The following TRPM3 variants were observed in gnomAD, a reference collection of about 807,000 sequenced individuals.
TRPM3 encodes long transient receptor potential channel 3.
Under a neutral mutation model 181.2 loss-of-function variants are expected in TRPM3, and 77 were observed. That is an observed-to-expected ratio of 0.42 (90% CI 0.35 to 0.51). The LOEUF is 0.51. Ranked by LOEUF, TRPM3 falls within the 20% of genes least tolerant of loss-of-function variation. The probability of loss-of-function intolerance (pLI) is 0.01; values close to 1 mark genes in which losing one functional copy is unlikely to be tolerated. For synonymous variants in TRPM3, 745 were observed against 796.4 expected, an observed-to-expected ratio of 0.94 and a Z score of 1.09; for missense variants, 1,759 against 2,196.7, an observed-to-expected ratio of 0.80 and a Z score of 3.98.
chr9:71,344,895 C>A (rs1565483147), intron 1 of TRPM3, among the ~76,000 whole-genome samples: 12 of 152,036 alleles, frequency 7.9e-5, no homozygotes. Flanking sequence ...AACAAACACT[C>A]AAATTAAAAA....
intron 1 of TRPM3, among the ~76,000 whole-genome samples, chr9:71,037,442 C>T (rs558555100): frequency 2.0e-5 from 3 of 152,314 alleles, no homozygotes; most frequent in East Asian, 3.9e-4. Context: ...GTTACAAGTG[C>T]TCCATGAACA....
chr9:70,886,066 C>T (rs543003874), intron 1 of TRPM3, among the ~76,000 whole-genome samples: 2 of 152,158 alleles, frequency 1.3e-5, no homozygotes, highest in East Asian at 3.9e-4. Context: ...CACTTACAGC[C>T]AGGATGTTAA....
intron 1 of TRPM3, among the ~76,000 whole-genome samples, chr9:71,261,216 A>C (rs986476267): frequency 2.0e-5 from 3 of 152,026 alleles, no homozygotes; most frequent in African/African-American, 7.2e-5. Flanking sequence ...TCATTCTTTT[A>C]TCTCTAATCT....
chr9:71,314,216 AAAG>A (rs2088306815), intron 1 of TRPM3, among the ~76,000 whole-genome samples: 1 of 152,270 alleles, frequency 6.6e-6, no homozygotes, highest in East Asian at 1.9e-4. Context: ...TACTGGCCTT[AAAG>A]AGAACTCACT....
chr9:71,439,221 A>G (rs1380648032), intron 1 of TRPM3, among the ~76,000 whole-genome samples: 1 of 152,226 alleles, frequency 6.6e-6, no homozygotes, highest in East Asian at 1.9e-4. Context: ...CAGTCATTAC[A>G]TCATGGATAT....
chr9:71,228,426 GT>G (rs2080833808), intron 1 of TRPM3, among the ~76,000 whole-genome samples: 1 of 152,116 alleles, frequency 6.6e-6, no homozygotes, highest in African/African-American at 2.4e-5. Flanking sequence ...TGACAAAGAT[GT>G]CCACTTTCAC....
At chr9:70,679,739 T>C (rs777051031) in intron 9 of TRPM3, among the ~76,000 whole-genome samples, 17 of 152,240 alleles carry the variant, frequency 1.1e-4, no homozygotes, top group Non-Finnish European at 1.6e-4. Flanking sequence ...AACAAATGTA[T>C]ACATGGAATG....
At chr9:70,741,162 C>A (rs1432327544) in intron 8 of TRPM3, among the ~76,000 whole-genome samples, 1 of 152,074 alleles carries the variant, frequency 6.6e-6, no homozygotes, top group East Asian at 1.9e-4. Context: ...CATGAATATA[C>A]AATTCTCGAA....
intron 1 of TRPM3, among the ~76,000 whole-genome samples, chr9:70,874,880 C>T (rs1301793628): frequency 6.6e-6 from 1 of 151,906 alleles, no homozygotes; most frequent in African/African-American, 2.4e-5. Flanking sequence ...TTCTCTCTCT[C>T]TGTCTATATG....
chr9:71,021,033 T>A (rs922154330), intron 1 of TRPM3, among the ~76,000 whole-genome samples: 3 of 152,312 alleles, frequency 2.0e-5, no homozygotes, highest in Middle Eastern at 3.4e-3. Flanking sequence ...TACAAGAGGC[T>A]ACTTTGCAAC....
chr9:71,022,731 TAATAA>T (rs943963040), intron 1 of TRPM3, among the ~76,000 whole-genome samples: 8 of 151,864 alleles, frequency 5.3e-5, no homozygotes, highest in African/African-American at 1.2e-4. Flanking sequence ...TGGTACAGCA[TAATAA>T]AATAAAATAA....
intron 1 of TRPM3, among the ~76,000 whole-genome samples, chr9:71,008,165 C>T (rs1414139125): frequency 1.3e-5 from 2 of 151,546 alleles, no homozygotes; most frequent in Admixed American, 1.3e-4. Flanking sequence ...ATGGAAAATC[C>T]AAAAGAAACT....
intron 8 of TRPM3, among the ~76,000 whole-genome samples, chr9:70,740,290 A>T (rs1192371944): frequency 6.6e-6 from 1 of 152,178 alleles, no homozygotes; most frequent in Non-Finnish European, 1.5e-5. Flanking sequence ...CTACAACAAA[A>T]CTACAAAACA....
At chr9:70,821,473 CTTGGT>C (rs1370979834) in intron 6 of TRPM3, among the ~76,000 whole-genome samples, 5 of 152,138 alleles carry the variant, frequency 3.3e-5, no homozygotes, top group Non-Finnish European at 7.4e-5. Context: ...GGAGTAGTCC[CTTGGT>C]ATCCACTCTT....
chr9:70,924,700 C>T (rs144317215), intron 1 of TRPM3, among the ~76,000 whole-genome samples: 3 of 152,196 alleles, frequency 2.0e-5, no homozygotes, highest in Admixed American at 2.0e-4. Context: ...CATATTTTTG[C>T]GCTAAGCTAA....
chr9:70,939,684 T>G (rs368652319), intron 1 of TRPM3, among the ~76,000 whole-genome samples: 17 of 152,344 alleles, frequency 1.1e-4, no homozygotes, highest in African/African-American at 3.6e-4. Context: ...AAAGGAGAGA[T>G]AGCTCAATCT....
At chr9:71,071,288 G>T (rs990299726) in intron 1 of TRPM3, among the ~76,000 whole-genome samples, 1 of 152,130 alleles carries the variant, frequency 6.6e-6, no homozygotes. Flanking sequence ...GCCCTGGACT[G>T]TTCCTCAAGA....
intron 1 of TRPM3, among the ~76,000 whole-genome samples, chr9:71,204,995 T>C (rs953528488): frequency 7.9e-5 from 12 of 151,780 alleles, no homozygotes; most frequent in Non-Finnish European, 1.3e-4. Flanking sequence ...TTCTCACTCA[T>C]AGATGGGAAT....
intron 1 of TRPM3, among the ~76,000 whole-genome samples, chr9:70,898,329 A>G (rs959995258): frequency 2.0e-5 from 3 of 151,358 alleles, no homozygotes; most frequent in Non-Finnish European, 4.4e-5. Context: ...TCACCGTGTT[A>G]GCCAGGATGG....
Sources: allele counts gnomAD v4.1 joint callset (sites outside exome capture counted in the v4.1 genomes callset), GRCh38; gene constraint gnomAD v4.1.1; transcripts MANE v1.5; gene names NCBI Gene and HGNC (gene_info 2026-07-23, HGNC 2026-07-21).